Variants in RABGAP1L observed in about 807,000 individuals in gnomAD.
RABGAP1L encodes the protein rab GTPase-activating protein 1-like.
A neutral mutation model predicts 137.7 loss-of-function variants in RABGAP1L; 63 were observed. That is an observed-to-expected ratio of 0.46 (90% CI 0.37 to 0.56). The LOEUF is 0.56. Ranked by LOEUF, RABGAP1L falls within the 20% of genes least tolerant of loss-of-function variation. The probability of loss-of-function intolerance (pLI) is 0.00; values close to 1 mark genes in which losing one functional copy is unlikely to be tolerated. For synonymous variants in RABGAP1L, 431 were observed against 433.7 expected, an observed-to-expected ratio of 0.99 and a Z score of 0.08; for missense variants, 1,095 against 1,244.0, an observed-to-expected ratio of 0.88 and a Z score of 1.80.
chr1:174,878,367 C>T (rs985046919), intron 19 of RABGAP1L, among the ~76,000 whole-genome samples: 1 of 152,080 alleles, frequency 6.6e-6, no homozygotes. Context: ...GCTGGGATTA[C>T]AGGCATGCGC....
chr1:174,245,035 A>G (rs1193736582), intron 5 of RABGAP1L: 1 of 152,218 alleles, frequency 6.6e-6, no homozygotes, highest in African/African-American at 2.4e-5. Flanking sequence ...GGTTGCAGAT[A>G]TGACACTGTA....
intron 11 of RABGAP1L, among the ~76,000 whole-genome samples, chr1:174,368,268 G>A (rs145084639): frequency 2.0e-5 from 3 of 152,174 alleles, no homozygotes; most frequent in Non-Finnish European, 4.4e-5. Flanking sequence ...ATGGATTGCT[G>A]ATAGTTCAGT....
At chr1:174,706,204 GA>G (rs1294996298) in intron 17 of RABGAP1L, among the ~76,000 whole-genome samples, 1 of 152,080 alleles carries the variant, frequency 6.6e-6, no homozygotes, top group African/African-American at 2.4e-5. Context: ...GAAAAGAGAA[GA>G]ATTTTATAGA....
At chr1:174,312,523 T>G (rs1678957225) in intron 11 of RABGAP1L, among the ~76,000 whole-genome samples, 1 of 152,218 alleles carries the variant, frequency 6.6e-6, no homozygotes, top group African/African-American at 2.4e-5. Context: ...ATAGGTAGTT[T>G]ACAAATATTT....
At chr1:174,906,026 C>A (rs1050067746) in intron 19 of RABGAP1L, among the ~76,000 whole-genome samples, 10 of 152,012 alleles carry the variant, frequency 6.6e-5, no homozygotes, top group Admixed American at 1.3e-4. Flanking sequence ...AAAGCTTATT[C>A]ATTTCCTTTG....
At chr1:174,837,701 A>C (rs940081574) in intron 19 of RABGAP1L, among the ~76,000 whole-genome samples, 13 of 152,210 alleles carry the variant, frequency 8.5e-5, no homozygotes, top group African/African-American at 2.7e-4. Context: ...TTGAAATTCT[A>C]AAACAAAAGG....
chr1:174,769,027 C>A (rs911788828), intron 18 of RABGAP1L, among the ~76,000 whole-genome samples: 3 of 152,160 alleles, frequency 2.0e-5, no homozygotes, highest in African/African-American at 4.8e-5. Context: ...ACTGTCACCA[C>A]CATTGTCACT....
chr1:174,783,069 C>T (rs1573172964), intron 18 of RABGAP1L, among the ~76,000 whole-genome samples: 1 of 152,094 alleles, frequency 6.6e-6, no homozygotes, highest in South Asian at 2.1e-4. Context: ...TTTTGCTCAC[C>T]GTTCATCACT....
chr1:174,230,679 A>C (rs1268972513), intron 3 of RABGAP1L, among the ~76,000 whole-genome samples: 1 of 152,142 alleles, frequency 6.6e-6, no homozygotes, highest in Non-Finnish European at 1.5e-5. Context: ...CATATGGATA[A>C]GGCTATGACA....
chr1:174,390,015 G>T (rs747413414), intron 12 of RABGAP1L, among the ~76,000 whole-genome samples: 1 of 152,108 alleles, frequency 6.6e-6, no homozygotes, highest in Non-Finnish European at 1.5e-5. Context: ...ATTTTAATCA[G>T]AAATATTGAA....
chr1:174,838,084 G>A (rs2148935455), intron 19 of RABGAP1L, among the ~76,000 whole-genome samples: 1 of 152,320 alleles, frequency 6.6e-6, no homozygotes, highest in Non-Finnish European at 1.5e-5. Context: ...GCCAGGCTAA[G>A]TTCTCATGCC....
chr1:174,894,684 G>A (rs529869948), intron 19 of RABGAP1L, among the ~76,000 whole-genome samples: 7 of 152,196 alleles, frequency 4.6e-5, no homozygotes, highest in African/African-American at 1.7e-4. Flanking sequence ...ACTACATTTG[G>A]TGCAGGAGAG....
intron 8 of RABGAP1L, among the ~76,000 whole-genome samples, chr1:174,274,633 T>TGTGTGC (rs1244290492): frequency 6.6e-6 from 1 of 151,838 alleles, no homozygotes; most frequent in Non-Finnish European, 1.5e-5. Flanking sequence ...TGTGTGTGTG[T>TGTGTGC]GTGTGTAGAG....
chr1:174,891,113 C>T (rs1656069036), intron 19 of RABGAP1L, among the ~76,000 whole-genome samples: 2 of 152,096 alleles, frequency 1.3e-5, no homozygotes, highest in Non-Finnish European at 2.9e-5. Flanking sequence ...ATATCTGTGC[C>T]TATTTAAAGG....
intron 4 of RABGAP1L, among the ~76,000 whole-genome samples, chr1:174,233,520 G>GT (rs1436028920): frequency 7.1e-6 from 1 of 141,448 alleles, no homozygotes; most frequent in Non-Finnish European, 1.5e-5. Flanking sequence ...GCGGTGTTTG[G>GT]TTTTTTGTTC....
chr1:174,301,229 C>G (rs1413392880), intron 10 of RABGAP1L, among the ~76,000 whole-genome samples: 2 of 151,934 alleles, frequency 1.3e-5, no homozygotes. Flanking sequence ...CTCAAGCCCA[C>G]TCCTGTGATG....
At chr1:174,688,434 A>C (rs1448219027) in intron 15 of RABGAP1L, among the ~76,000 whole-genome samples, 3 of 152,066 alleles carry the variant, frequency 2.0e-5, no homozygotes, top group African/African-American at 7.2e-5. Flanking sequence ...TTATGTTTGA[A>C]TAATCTAGCA....
intron 17 of RABGAP1L, among the ~76,000 whole-genome samples, chr1:174,747,031 A>C (rs1683929370): frequency 6.6e-6 from 1 of 152,204 alleles, no homozygotes; most frequent in Admixed American, 6.5e-5. Context: ...CCCCTTAAGA[A>C]CAAACAAATT....
intron 13 of RABGAP1L, among the ~76,000 whole-genome samples, chr1:174,469,114 A>G (rs1175511052): frequency 6.6e-6 from 1 of 152,172 alleles, no homozygotes; most frequent in Admixed American, 6.5e-5. Flanking sequence ...TTTATCTATT[A>G]ATAGAAAAGT....
Sources: gnomAD v4.1 joint callset for allele counts (sites outside exome capture counted in the v4.1 genomes callset) on GRCh38, gnomAD v4.1.1 for gene constraint, MANE v1.5 for transcripts, NCBI Gene and HGNC (gene_info 2026-07-23, HGNC 2026-07-21) for gene names.